GABRG3: variants seen among roughly 807,000 people sequenced by gnomAD.
GABRG3 encodes the protein gamma-aminobutyric acid receptor subunit gamma-3.
A neutral mutation model predicts 48.8 loss-of-function variants in GABRG3; 25 were observed. The ratio of observed to expected loss-of-function variants is 0.51; its 90% confidence interval spans 0.37 to 0.72. The LOEUF (loss-of-function observed/expected upper bound fraction) is 0.72. GABRG3 is among the 30% of genes least tolerant of loss of function. The pLI is 0.00. For missense variants in GABRG3, 394 were observed against 577.9 expected (o/e 0.68, Z 3.26); for synonymous variants, 227 against 217.6 (o/e 1.04, Z -0.38).
intron 3 of GABRG3, among the ~76,000 whole-genome samples, chr15:27,119,297 G>C (rs34779742): frequency 0.3 from 45,167 of 152,122 alleles, 7,545 homozygotes; most frequent in Middle Eastern, 0.38. Context: ...GAAGGCTCCA[G>C]TGTAACATAA....
Position 27,352,832 on chromosome 15 carries a change from CAT to C in GABRG3, c.574+23946_574+23947del, listed in dbSNP as rs1480045201. On this transcript the variant is annotated intron_variant, in intron 5 of 9. Transcript: ENST00000615808. This position sits in a 1 kb window ranked among gnomAD's most constrained non-coding sequence, Gnocchi z 4.0. ...GGCCCAGGTATAGCAACACCTAACTCATAGGACTATGGGGGGCGTAAAATAAG... is the reference window on the plus strand; with the variant it reads ...GGCCCAGGTATAGCAACACCTAACTCAGGACTATGGGGGGCGTAAAATAAG... 6.6e-6 allele frequency among the ~76,000 whole-genome samples: 1 copy of C among 152,120 alleles called. No individual in the cohort carries two copies. Among genetic ancestry groups the C allele is most frequent in the Admixed American group, 6.5e-5 (1 of 15,286 alleles).
chr15:26,988,474 G>A (rs988118593), intron 2 of GABRG3, among the ~76,000 whole-genome samples: 1 of 152,024 alleles, frequency 6.6e-6, no homozygotes, highest in African/African-American at 2.4e-5. Context: ...TTTGACTAGT[G>A]TTAGTATGGT....
intron 5 of GABRG3, among the ~76,000 whole-genome samples, chr15:27,464,488 T>A (rs1007778584): frequency 1.3e-5 from 2 of 152,212 alleles, no homozygotes; most frequent in Admixed American, 1.3e-4. Context: ...CATGTAGGAC[T>A]GGAATTTCTG....
chr15:27,376,970 T>C (rs373902593), intron 5 of GABRG3, among the ~76,000 whole-genome samples: 1 of 152,216 alleles, frequency 6.6e-6, no homozygotes, highest in Non-Finnish European at 1.5e-5. Flanking sequence ...CTTTTAAAAC[T>C]GAATGCCTTT....
chr15:27,431,552 G>A (rs1418887317), intron 5 of GABRG3, among the ~76,000 whole-genome samples: 5 of 152,006 alleles, frequency 3.3e-5, no homozygotes, highest in South Asian at 2.1e-4. Flanking sequence ...TAAACCTGTT[G>A]TTCGGTTTTG....
intron 2 of GABRG3, among the ~76,000 whole-genome samples, chr15:27,025,615 TG>T (rs1229139516): frequency 6.6e-6 from 1 of 152,240 alleles, no homozygotes; most frequent in Non-Finnish European, 1.5e-5. Context: ...CGTGAAGGTC[TG>T]GGGATCGTTG....
At chr15:27,338,113 T>C (rs1480250693) in intron 5 of GABRG3, among the ~76,000 whole-genome samples, 2 of 152,182 alleles carry the variant, frequency 1.3e-5, no homozygotes, top group Admixed American at 6.5e-5. Flanking sequence ...TATTAATTCA[T>C]GTGCCCGAGC....
intron 3 of GABRG3, among the ~76,000 whole-genome samples, chr15:27,268,182 G>C (rs928013166): frequency 6.6e-6 from 1 of 151,960 alleles, no homozygotes; most frequent in Admixed American, 6.6e-5. Context: ...TTTTTTTATG[G>C]GAAGAATTTT....
intron 3 of GABRG3, among the ~76,000 whole-genome samples, chr15:27,072,604 T>C (rs1194785835): frequency 6.6e-6 from 1 of 152,220 alleles, no homozygotes; most frequent in Non-Finnish European, 1.5e-5. Context: ...CACAAGTGAC[T>C]TACTGCGGAA....
chr15:27,422,859 C>T (rs1355971299), intron 5 of GABRG3, among the ~76,000 whole-genome samples: 2 of 152,148 alleles, frequency 1.3e-5, no homozygotes, highest in Non-Finnish European at 1.5e-5. Flanking sequence ...GTTATACTCA[C>T]GACTAAGGTT....
At chr15:27,442,361 G>A (rs781138782) in intron 5 of GABRG3, among the ~76,000 whole-genome samples, 4 of 152,272 alleles carry the variant, frequency 2.6e-5, no homozygotes, top group Admixed American at 2.0e-4. Flanking sequence ...GATGGGCAAT[G>A]CCTGGGCAGT....
Position 26,976,595 on chromosome 15 carries a change from A to T in GABRG3, c.54-407A>T, listed in dbSNP as rs909078398. On this transcript the variant is annotated intron_variant, in intron 1 of 9. Coordinates refer to ENST00000615808, the MANE Select transcript of GABRG3 (RefSeq NM_033223.5). The surrounding 1 kb of genome is among the most constrained non-coding windows in gnomAD (Gnocchi z 7.8). ...CAACGAAAATGAGGTCTTGGTGGTC[A>T]GGGTGGAAACACCACGATGCAGTCA... 6.6e-6 allele frequency among the ~76,000 whole-genome samples: 1 copy of T among 152,172 alleles called. No homozygotes were observed. Among genetic ancestry groups the T allele is most frequent in the Non-Finnish European group, 1.5e-5 (1 of 68,024 alleles).
intron 3 of GABRG3, among the ~76,000 whole-genome samples, chr15:27,266,615 C>A (rs952580048): frequency 2.0e-5 from 3 of 152,200 alleles, no homozygotes; most frequent in Non-Finnish European, 4.4e-5. Context: ...TCAAATCTAT[C>A]ATTTGGGAGA....
intron 3 of GABRG3, among the ~76,000 whole-genome samples, chr15:27,278,155 G>A (rs546292802): frequency 6.6e-6 from 1 of 151,862 alleles, no homozygotes; most frequent in African/African-American, 2.4e-5. Flanking sequence ...GGGTTCAAAC[G>A]ATTCTTCTGC....
intron 5 of GABRG3, among the ~76,000 whole-genome samples, chr15:27,392,630 T>G (rs1227497523): frequency 6.6e-6 from 1 of 152,246 alleles, no homozygotes; most frequent in Admixed American, 6.5e-5. Flanking sequence ...GAAGTCATTA[T>G]GCCCAACTCA....
At chr15:27,241,862 CAA>C (rs1258260523) in intron 3 of GABRG3, among the ~76,000 whole-genome samples, 1 of 152,264 alleles carries the variant, frequency 6.6e-6, no homozygotes, top group East Asian at 1.9e-4. Flanking sequence ...TCACTTTTGA[CAA>C]GAGTTAAAAC....
At chr15:27,340,898 C>T in intron 5 of GABRG3, 1 of 449,782 alleles carries the variant, frequency 2.2e-6, no homozygotes, top group Non-Finnish European at 4.3e-6. Flanking sequence ...CTGTTATGTA[C>T]TTTTGTGCAG....
intron 2 of GABRG3, among the ~76,000 whole-genome samples, chr15:27,001,084 C>G (rs1188764528): frequency 1.3e-5 from 2 of 152,226 alleles, no homozygotes; most frequent in African/African-American, 4.8e-5. Context: ...AGGCTAGAAA[C>G]TCTTTCAAGG....
intron 3 of GABRG3, among the ~76,000 whole-genome samples, chr15:27,192,598 G>A (rs1195614033): frequency 2.0e-5 from 3 of 152,066 alleles, no homozygotes; most frequent in Non-Finnish European, 2.9e-5. Context: ...GCAATTCTCT[G>A]TATTGGTTAT....
Sources: gnomAD v4.1 joint callset for allele counts (sites outside exome capture counted in the v4.1 genomes callset) on GRCh38, gnomAD v4.1.1 for gene constraint, Gnocchi (gnomAD v3.1) non-coding constraint, MANE v1.5 for transcripts, NCBI Gene and HGNC (gene_info 2026-07-23, HGNC 2026-07-21) for gene names.